Variants in ANXA8 observed in about 807,000 individuals in gnomAD.
The protein encoded by ANXA8 is VAC-beta.
ANXA8 carries 9 observed loss-of-function variants against 26.8 expected under a neutral mutation model. That is an observed-to-expected ratio of 0.34 (90% CI 0.20 to 0.59). ANXA8 has a LOEUF of 0.59. Ranked by LOEUF, ANXA8 falls within the 20% of genes least tolerant of loss-of-function variation. The probability of loss-of-function intolerance (pLI) is 0.84; values close to 1 mark genes in which losing one functional copy is unlikely to be tolerated. For synonymous variants in ANXA8, 39 were observed against 94.8 expected (o/e 0.41, Z 3.42); for missense variants, 83 against 238.5 (o/e 0.35, Z 4.29).
the ANXA8 span, chr10:47,970,527 C>T: frequency 2.0e-5 from 3 of 151,198 alleles, no homozygotes; most frequent in African/African-American, 4.8e-5. Context: ...ACATCCAAGT[C>T]AGTAAGTGCA....
chr10:47,902,058 A>G, the ANXA8 span, among the ~76,000 whole-genome samples: 1 of 150,260 alleles, frequency 6.7e-6, no homozygotes, highest in African/African-American at 2.4e-5. Flanking sequence ...TTTAACAACT[A>G]TATCTAGAGT....
chr10:47,943,811 G>A, the ANXA8 span, among the ~76,000 whole-genome samples: 30 of 148,308 alleles, frequency 2.0e-4, 2 homozygotes, highest in Middle Eastern at 3.2e-3. Flanking sequence ...TTGGATGTGG[G>A]CTGCAACTGC....
the ANXA8 span, among the ~76,000 whole-genome samples, chr10:47,670,040 G>A: frequency 2.0e-5 from 3 of 151,814 alleles, no homozygotes; most frequent in African/African-American, 7.3e-5. Context: ...CCAGCCCCTG[G>A]AAGCCACGAA....
the ANXA8 span, among the ~76,000 whole-genome samples, chr10:47,639,075 T>C: frequency 6.7e-6 from 1 of 150,260 alleles, no homozygotes. Context: ...GTATCTATTC[T>C]TTTCTTATAT....
chr10:47,529,174 T>C, the ANXA8 span, among the ~76,000 whole-genome samples: 7 of 143,658 alleles, frequency 4.9e-5, no homozygotes, highest in Admixed American at 1.4e-4. Context: ...ACAATAAAGT[T>C]TTACGACCCT....
chr10:47,627,424 T>C, the ANXA8 span, among the ~76,000 whole-genome samples: 2 of 150,252 alleles, frequency 1.3e-5, no homozygotes, highest in South Asian at 2.1e-4. Flanking sequence ...CTATCGGTAC[T>C]GTTAACAATG....
At chr10:47,549,020 T>C in the ANXA8 span, among the ~76,000 whole-genome samples, 1 of 152,274 alleles carries the variant, frequency 6.6e-6, no homozygotes, top group African/African-American at 2.4e-5. Context: ...TGAATGTTAA[T>C]GAGCTCTTAT....
chr10:47,941,950 G>A, the ANXA8 span, among the ~76,000 whole-genome samples: 1 of 147,740 alleles, frequency 6.8e-6, no homozygotes, highest in African/African-American at 2.6e-5. Flanking sequence ...AGAAACAATA[G>A]AATGTCCAGC....
At chr10:47,743,325 T>C in the ANXA8 span, among the ~76,000 whole-genome samples, 20 of 42,344 alleles carry the variant, frequency 4.7e-4, no homozygotes, top group Non-Finnish European at 6.8e-4. Flanking sequence ...CATATATATA[T>C]ATACATATAT....
chr10:47,535,228 T>C, the ANXA8 span, among the ~76,000 whole-genome samples: 3 of 132,066 alleles, frequency 2.3e-5, no homozygotes, highest in African/African-American at 3.4e-5. Context: ...CCCACCTCGG[T>C]CTCCCAAAGT....
At chr10:47,672,363 T>C in the ANXA8 span, among the ~76,000 whole-genome samples, 1 of 151,938 alleles carries the variant, frequency 6.6e-6, no homozygotes, top group Non-Finnish European at 1.5e-5. Context: ...AAGAATAATA[T>C]GTTGTCTAAG....
chr10:47,503,937 C>CAAAAAAAA, the ANXA8 span, among the ~76,000 whole-genome samples: 42 of 23,442 alleles, frequency 1.8e-3, no homozygotes, highest in Middle Eastern at 0.033. Context: ...GAGAGTCCAT[C>CAAAAAAAA]AAAAAAAAAA....
chr10:47,484,037 C>A lies in ANXA8; in HGVS notation c.-104G>T. ...CTCCTGCAGCTGAGGAGTGAGCAGG[C>A]CGCTCACTTGGGTGTGGGGGTGCAA... On this transcript the variant is annotated 5_prime_UTR_variant, in exon 1 of 12. Transcript: ENST00000585281. The A allele has an allele frequency of 1.6e-5, 25 of 1,611,338 alleles. 1 individual carries two copies. Among genetic ancestry groups the A allele is most frequent in the East Asian group, 4.5e-5 (2 of 44,856 alleles).
the ANXA8 span, among the ~76,000 whole-genome samples, chr10:47,769,976 G>C: frequency 2.0e-5 from 3 of 151,638 alleles, no homozygotes; most frequent in African/African-American, 7.3e-5. Context: ...ACTCATGGCA[G>C]AAGGTGGAAG....
At chr10:47,958,513 C>T in the ANXA8 span, among the ~76,000 whole-genome samples, 1 of 147,468 alleles carries the variant, frequency 6.8e-6, no homozygotes, top group South Asian at 2.1e-4. Context: ...CCACTGGCTC[C>T]CTGGGCCACA....
At chr10:47,666,583 C>A in the ANXA8 span, among the ~76,000 whole-genome samples, 1 of 151,882 alleles carries the variant, frequency 6.6e-6, no homozygotes, top group African/African-American at 2.4e-5. Context: ...CCCTCTAATT[C>A]ATTTTTATGT....
the ANXA8 span, among the ~76,000 whole-genome samples, chr10:47,676,996 A>G: frequency 7.1e-6 from 1 of 140,062 alleles, no homozygotes; most frequent in Non-Finnish European, 1.5e-5. Context: ...GCTGAAAGAA[A>G]AAAAAAAAAA....
the ANXA8 span, chr10:47,503,664 A>G: frequency 1.7e-6 from 1 of 595,380 alleles, no homozygotes. Context: ...GGTGGCTCAC[A>G]CCTGTAATCA....
chr10:47,682,435 C>A, the ANXA8 span, among the ~76,000 whole-genome samples: 2 of 143,868 alleles, frequency 1.4e-5, no homozygotes, highest in Non-Finnish European at 3.0e-5. Context: ...AATCAGAAGG[C>A]ATGTTCACCT....
Sources: gnomAD v4.1 joint callset for allele counts (sites outside exome capture counted in the v4.1 genomes callset) on GRCh38, gnomAD v4.1.1 for gene constraint, MANE v1.5 for transcripts, NCBI Gene and HGNC (gene_info 2026-07-23, HGNC 2026-07-21) for gene names.